The following TMEM132B variants were observed in gnomAD, a reference collection of about 807,000 sequenced individuals.
TMEM132B encodes the protein transmembrane protein 132B.
Under a neutral mutation model 90.8 loss-of-function variants are expected in TMEM132B, and 18 were observed. That is an observed-to-expected ratio of 0.20 (90% confidence interval 0.14 to 0.29). The LOEUF (loss-of-function observed/expected upper bound fraction) is 0.29, where lower values mean the gene tolerates loss of function less well. Ranked by LOEUF, TMEM132B falls within the 10% of genes least tolerant of loss-of-function variation. The pLI is 1.00. For synonymous variants in TMEM132B, 504 were observed against 523.3 expected (o/e 0.96, Z 0.50); for missense variants, 1,096 against 1,326.8 (o/e 0.83, Z 2.70).
At chr12:125,636,222 C>T (rs1393589896) in intron 5 of TMEM132B, among the ~76,000 whole-genome samples, 1 of 152,048 alleles carries the variant, frequency 6.6e-6, no homozygotes, top group African/African-American at 2.4e-5. Flanking sequence ...TCTATTTTAC[C>T]ATCTTGCTTT....
At chr12:125,485,842 C>G (rs1406551847) in intron 3 of TMEM132B, among the ~76,000 whole-genome samples, 1 of 152,208 alleles carries the variant, frequency 6.6e-6, no homozygotes, top group African/African-American at 2.4e-5. Flanking sequence ...TGACATTAAG[C>G]TTTTGTTTCT....
intron 1 of TMEM132B, among the ~76,000 whole-genome samples, chr12:125,294,495 A>G (rs909664553): frequency 3.3e-5 from 5 of 152,234 alleles, no homozygotes; most frequent in African/African-American, 9.6e-5. Flanking sequence ...ATTTAAAACA[A>G]CCTAGTTTTC....
In TMEM132B at chr12:125,230,556, C is replaced by T. The variant is rs575988339; in HGVS notation, c.67+43690C>T. 3.9e-4 allele frequency among the ~76,000 whole-genome samples: 59 copies of T among 152,200 alleles called. No individual in the cohort carries two copies. In the South Asian group the frequency reaches 0.011, roughly 28 times the overall value. ...AGTGCAGTGGCGTAATCTCGGCTCA[C>T]TGCAAGCTCCGCCTCCTGGGTTCAT... On this transcript the variant is annotated intron_variant, in intron 1 of 8. Coordinates refer to ENST00000682704, the MANE Select transcript of TMEM132B (RefSeq NM_001366854.1).
At chr12:125,586,519 T>A (rs1230778336) in intron 5 of TMEM132B, 2 of 152,218 alleles carry the variant, frequency 1.3e-5, no homozygotes, top group African/African-American at 4.8e-5. Context: ...TAAATGAAAA[T>A]TTTCAGAAAG....
At chr12:125,303,348 C>T (rs1310866775) in intron 1 of TMEM132B, among the ~76,000 whole-genome samples, 3 of 152,084 alleles carry the variant, frequency 2.0e-5, no homozygotes, top group Non-Finnish European at 4.4e-5. Context: ...TATAATATTC[C>T]ATTGTGTGGA....
chr12:125,646,692 G>A (rs1886771715), intron 6 of TMEM132B, among the ~76,000 whole-genome samples: 1 of 152,206 alleles, frequency 6.6e-6, no homozygotes, highest in Non-Finnish European at 1.5e-5. Context: ...GTGCACAAAA[G>A]TAGGCTAGGA....
At chr12:125,381,733 C>T (rs543174012) in intron 2 of TMEM132B, among the ~76,000 whole-genome samples, 2 of 152,122 alleles carry the variant, frequency 1.3e-5, no homozygotes, top group South Asian at 4.2e-4. Context: ...TGCATATGTG[C>T]GTTAGTGCAC....
intron 1 of TMEM132B, among the ~76,000 whole-genome samples, chr12:125,240,944 C>T (rs1440199685): frequency 6.6e-5 from 10 of 152,148 alleles, no homozygotes; most frequent in Non-Finnish European, 2.9e-5. Flanking sequence ...CGTGAGTGAA[C>T]GGGTGGGCGT....
chr12:125,272,614 T>C (rs1484033095), intron 1 of TMEM132B, among the ~76,000 whole-genome samples: 1 of 152,070 alleles, frequency 6.6e-6, no homozygotes, highest in East Asian at 1.9e-4. Flanking sequence ...CCAAGTGGCA[T>C]GTGGCGCGGG....
intron 1 of TMEM132B, among the ~76,000 whole-genome samples, chr12:125,250,767 C>G (rs987085086): frequency 5.3e-5 from 8 of 152,326 alleles, no homozygotes; most frequent in African/African-American, 1.7e-4. Context: ...CAGAGCTCAG[C>G]AAGCACAGCG....
At chr12:125,593,436 C>T (rs561703511) in intron 5 of TMEM132B, among the ~76,000 whole-genome samples, 2 of 152,310 alleles carry the variant, frequency 1.3e-5, no homozygotes, top group South Asian at 2.1e-4. Context: ...CCTCCCAGCT[C>T]CACCTGCCCA....
intron 3 of TMEM132B, among the ~76,000 whole-genome samples, chr12:125,505,115 A>AAT (rs1472633749): frequency 6.9e-6 from 1 of 144,320 alleles, no homozygotes; most frequent in Admixed American, 7.1e-5. Flanking sequence ...CGTGATCCAA[A>AAT]ATTACTTGAC....
intron 2 of TMEM132B, among the ~76,000 whole-genome samples, chr12:125,401,052 G>T (rs933051522): frequency 6.6e-6 from 1 of 152,154 alleles, no homozygotes; most frequent in Non-Finnish European, 1.5e-5. Context: ...ATTCTGATAT[G>T]CTTGAAAGTT....
Position 125,575,057 on chromosome 12 carries a change from CATATAT to C in TMEM132B, c.1294-8773_1294-8768del, listed in dbSNP as rs147688714. On this transcript the variant is annotated intron_variant, in intron 4 of 8. Transcript: ENST00000682704. ...ATGAAATCCCAAACCTATTAGCTGT[CATATAT>C]ATATATATATATATATATATTCAGG... 9.3e-4 allele frequency among the ~76,000 whole-genome samples: 41 copies of C among 43,894 alleles called. 6 individuals are homozygous for C. The highest frequency in any genetic ancestry group is 2.3e-3 in the East Asian group (4 of 1,768). 28.8% of individuals were successfully genotyped at this position (43,894 alleles called of 152,430 possible).
At chr12:125,621,894 A>G (rs11833193) in intron 5 of TMEM132B, among the ~76,000 whole-genome samples, 2,895 of 152,316 alleles carry the variant, frequency 0.019, 93 homozygotes, top group African/African-American at 0.067. Context: ...AATATTTCCC[A>G]AAGACACGCT....
chr12:125,434,532 A>C (rs1880642633), intron 3 of TMEM132B, among the ~76,000 whole-genome samples: 3 of 150,740 alleles, frequency 2.0e-5, no homozygotes, highest in Non-Finnish European at 3.0e-5. Context: ...AGGGTGGGGG[A>C]AGCCGGGGCC....
chr12:125,272,851 G>A (rs1343970420), intron 1 of TMEM132B, among the ~76,000 whole-genome samples: 5 of 152,208 alleles, frequency 3.3e-5, no homozygotes, highest in Non-Finnish European at 7.3e-5. Context: ...CTTCCAGAGT[G>A]TTCTGCGCAG....
rs566497222 is a variant in TMEM132B, at chr12:125,261,336, C to T, written c.67+74470C>T. The stretch of plus-strand genomic sequence containing the variant: ...CTCCTCAGAGGTCACTTTTCATGGA[C>T]CTGAAATGTGCTATTATATTCTCTG... On this transcript the variant is annotated intron_variant, in intron 1 of 8. Coordinates refer to ENST00000682704, the MANE Select transcript of TMEM132B (RefSeq NM_001366854.1). Among the ~76,000 whole-genome samples the T allele has an allele frequency of 1.3e-4, 20 of 152,290 alleles. 1 individual carries two copies. The South Asian group carries it at 4.1e-3, about 32-fold the overall frequency.
chr12:125,653,338 T>G (rs1378074473), intron 8 of TMEM132B, among the ~76,000 whole-genome samples: 1 of 152,236 alleles, frequency 6.6e-6, no homozygotes, highest in African/African-American at 2.4e-5. Flanking sequence ...AATTTATAGT[T>G]TAATGCAGTC....
Sources: gnomAD v4.1 joint callset for allele counts (sites outside exome capture counted in the v4.1 genomes callset) on GRCh38, gnomAD v4.1.1 for gene constraint, MANE v1.5 for transcripts, NCBI Gene and HGNC (gene_info 2026-07-23, HGNC 2026-07-21) for gene names.